The following SPATA31H1 variants were observed in gnomAD, a reference collection of about 807,000 sequenced individuals.
The protein encoded by SPATA31H1 is spermatogenesis-associated protein 31H1.
chr2:27,552,003 AC>A, the SPATA31H1 span, among the ~76,000 whole-genome samples: 2 of 152,000 alleles, frequency 1.3e-5, no homozygotes, highest in East Asian at 3.9e-4. Flanking sequence ...TTTAGTAGAG[AC>A]GAGGTTTCAC....
the SPATA31H1 span, among the ~76,000 whole-genome samples, chr2:27,544,537 T>C: frequency 6.6e-6 from 1 of 150,630 alleles, no homozygotes; most frequent in Non-Finnish European, 1.5e-5. Flanking sequence ...CAATTTTTTT[T>C]TTTTTTTTTT....
chr2:27,579,720 G>C, the SPATA31H1 span: 4 of 1,613,990 alleles, frequency 2.5e-6, no homozygotes, highest in East Asian at 6.7e-5. Context: ...GGAAGAAAGT[G>C]AGGACTCACA....
chr2:27,579,994 G>T, the SPATA31H1 span: 1 of 1,614,100 alleles, frequency 6.2e-7, no homozygotes, highest in Non-Finnish European at 8.5e-7. Flanking sequence ...ACCACTTCGG[G>T]GCCTTATCTT....
the SPATA31H1 span, among the ~76,000 whole-genome samples, chr2:27,540,263 G>A: frequency 8.0e-6 from 1 of 124,238 alleles, no homozygotes; most frequent in African/African-American, 3.0e-5. Flanking sequence ...CTGGCCGGGC[G>A]GGGGGCTGAC....
At chr2:27,561,132 A>G in the SPATA31H1 span, among the ~76,000 whole-genome samples, 4 of 152,116 alleles carry the variant, frequency 2.6e-5, no homozygotes, top group Non-Finnish European at 5.9e-5. Flanking sequence ...GGAGTTTGAG[A>G]CCAGCCTGGC....
the SPATA31H1 span, among the ~76,000 whole-genome samples, chr2:27,542,106 T>A: frequency 6.6e-6 from 1 of 152,028 alleles, no homozygotes; most frequent in Non-Finnish European, 1.5e-5. Flanking sequence ...AATTTAAAAT[T>A]CTGTTTCTGG....
the SPATA31H1 span, chr2:27,567,764 G>A: frequency 1.3e-5 from 5 of 398,956 alleles, no homozygotes; most frequent in East Asian, 1.4e-4. Flanking sequence ...AAAGGATACA[G>A]CAGCACAAGA....
At chr2:27,569,068 G>T in the SPATA31H1 span, 1 of 398,824 alleles carries the variant, frequency 2.5e-6, no homozygotes, top group South Asian at 1.3e-4. Context: ...GGGCCACTGA[G>T]CCAAACTTCA....
At chr2:27,580,942 CCA>C in the SPATA31H1 span, 1 of 1,614,070 alleles carries the variant, frequency 6.2e-7, no homozygotes, top group Non-Finnish European at 8.5e-7. Flanking sequence ...CTGCCCAAGC[CCA>C]CAGATTCCCA....
chr2:27,570,748 G>T, the SPATA31H1 span: 1 of 398,844 alleles, frequency 2.5e-6, no homozygotes, highest in Non-Finnish European at 4.4e-6. Context: ...GGGCCAGAGG[G>T]GGAAGGGGTT....
At chr2:27,537,530 A>G in the SPATA31H1 span, 1 of 717,366 alleles carries the variant, frequency 1.4e-6, no homozygotes, top group Non-Finnish European at 2.6e-6. Context: ...TTTTCCAGGA[A>G]TCGGAGCTGG....
At chr2:27,547,614 G>A in the SPATA31H1 span, among the ~76,000 whole-genome samples, 1 of 152,016 alleles carries the variant, frequency 6.6e-6, no homozygotes. Flanking sequence ...AGTTTAATTG[G>A]AGATAACTGA....
At chr2:27,581,212 A>G in the SPATA31H1 span, 4 of 1,614,200 alleles carry the variant, frequency 2.5e-6, no homozygotes, top group Non-Finnish European at 3.4e-6. Context: ...TTCTATAGGG[A>G]GAGAACCCCA....
At chr2:27,539,633 A>T in the SPATA31H1 span, among the ~76,000 whole-genome samples, 1 of 109,178 alleles carries the variant, frequency 9.2e-6, no homozygotes, top group African/African-American at 3.7e-5. Flanking sequence ...GCCGCTGGGC[A>T]CACCTCCCAG....
chr2:27,553,138 C>T, the SPATA31H1 span, among the ~76,000 whole-genome samples: 4 of 152,114 alleles, frequency 2.6e-5, no homozygotes, highest in Admixed American at 1.3e-4. Context: ...GCCCTGCCCA[C>T]ACAGCTTTGG....
chr2:27,580,667 CAG>C, the SPATA31H1 span: 1 of 1,614,216 alleles, frequency 6.2e-7, no homozygotes, highest in Admixed American at 1.7e-5. Flanking sequence ...AAACAGCACA[CAG>C]AGTTATAGCT....
chr2:27,552,782 G>C, the SPATA31H1 span, among the ~76,000 whole-genome samples: 26 of 151,964 alleles, frequency 1.7e-4, no homozygotes, highest in African/African-American at 6.1e-4. Flanking sequence ...GAACCTCTCA[G>C]TGTACAATCT....
the SPATA31H1 span, chr2:27,571,966 CTG>C: frequency 7.5e-6 from 3 of 398,358 alleles, no homozygotes; most frequent in African/African-American, 6.2e-5. Flanking sequence ...GGTCAGATAT[CTG>C]TAAACTCACA....
chr2:27,578,457 A>C, the SPATA31H1 span: 1 of 1,614,106 alleles, frequency 6.2e-7, no homozygotes, highest in East Asian at 2.2e-5. Context: ...AATTGAAGCA[A>C]TAAATTGTGT....
Sources: allele counts gnomAD v4.1 joint callset (sites outside exome capture counted in the v4.1 genomes callset), GRCh38; gene constraint gnomAD v4.1.1; transcripts MANE v1.5; gene names NCBI Gene and HGNC (gene_info 2026-07-23, HGNC 2026-07-21).